The following NRG1 variants were observed in gnomAD, a reference collection of about 807,000 sequenced individuals.
NRG1 encodes neuregulin 1.
In NRG1, 18 loss-of-function variants were observed where a neutral mutation model predicts 63.8. The observed-to-expected ratio is 0.28, with a 90% CI of 0.19 to 0.42. The LOEUF (loss-of-function observed/expected upper bound fraction) is 0.42. Among genes scored for constraint, NRG1 ranks in the 10% least tolerant of loss-of-function variants. The pLI is 1.00. For synonymous variants in NRG1, 302 were observed against 301.3 expected (o/e 1.00, Z -0.02); for missense variants, 762 against 814.7 (o/e 0.94, Z 0.79).
intron 1 of NRG1, among the ~76,000 whole-genome samples, chr8:31,761,244 T>C (rs1157544134): frequency 1.3e-5 from 2 of 152,048 alleles, no homozygotes; most frequent in African/African-American, 2.4e-5. Flanking sequence ...TAGATGGGAA[T>C]TGAACAATGA....
At chr8:32,035,938 G>A (rs1186447853) in intron 1 of NRG1, among the ~76,000 whole-genome samples, 1 of 152,020 alleles carries the variant, frequency 6.6e-6, no homozygotes, top group African/African-American at 2.4e-5. Flanking sequence ...ACATTTAAGG[G>A]TAATATTGTT....
chr8:32,163,761 C>A (rs992631824), intron 1 of NRG1, among the ~76,000 whole-genome samples: 1 of 152,194 alleles, frequency 6.6e-6, no homozygotes, highest in African/African-American at 2.4e-5. Context: ...AACACTGGTA[C>A]GTTAGGAATA....
intron 1 of NRG1, chr8:32,220,806 A>T (rs1365184645): frequency 6.6e-6 from 1 of 152,182 alleles, no homozygotes; most frequent in Non-Finnish European, 1.5e-5. Flanking sequence ...CTTGCCGGTG[A>T]TGTCACTGCT....
chr8:31,852,197 A>G (rs1351984530), intron 1 of NRG1, among the ~76,000 whole-genome samples: 4 of 152,288 alleles, frequency 2.6e-5, no homozygotes, highest in South Asian at 4.1e-4. Flanking sequence ...AACTTCCACA[A>G]TGGTTGAACT....
intron 1 of NRG1, among the ~76,000 whole-genome samples, chr8:31,658,694 C>T (rs181589336): frequency 6.6e-5 from 10 of 152,294 alleles, no homozygotes; most frequent in African/African-American, 2.2e-4. Context: ...AATTCCTAAC[C>T]TCAAGTAATC....
chr8:32,390,532 G>C (rs1811597414), intron 1 of NRG1, among the ~76,000 whole-genome samples: 1 of 150,230 alleles, frequency 6.7e-6, no homozygotes, highest in African/African-American at 2.5e-5. Flanking sequence ...GAGCCTGGGA[G>C]GTCAAGACTT....
At chr8:32,371,579 G>T (rs1808864687) in intron 1 of NRG1, among the ~76,000 whole-genome samples, 1 of 151,940 alleles carries the variant, frequency 6.6e-6, no homozygotes. Context: ...AGGTGGTCAA[G>T]TGACTAAGTT....
At chr8:32,497,429 A>G (rs1827335182) in intron 1 of NRG1, among the ~76,000 whole-genome samples, 1 of 145,314 alleles carries the variant, frequency 6.9e-6, no homozygotes, top group South Asian at 2.3e-4. Context: ...CCTGGGCGAC[A>G]GAGAGAGATT....
chr8:32,470,509 A>G (rs1462495420), intron 1 of NRG1, among the ~76,000 whole-genome samples: 1 of 152,006 alleles, frequency 6.6e-6, no homozygotes, highest in African/African-American at 2.4e-5. Flanking sequence ...CGACCATGAA[A>G]AGGACTCTTT....
At chr8:32,656,927 G>C (rs75320481) in intron 5 of NRG1, among the ~76,000 whole-genome samples, 1 of 151,938 alleles carries the variant, frequency 6.6e-6, no homozygotes, top group Admixed American at 6.6e-5. Flanking sequence ...TCAGTGATAG[G>C]CACTTAGTGT....
intron 1 of NRG1, among the ~76,000 whole-genome samples, chr8:31,730,109 C>T (rs527942987): frequency 1.3e-5 from 2 of 152,146 alleles, no homozygotes; most frequent in Non-Finnish European, 2.9e-5. Flanking sequence ...GCAGTCAGTC[C>T]AAAAACAACA....
chr8:32,149,042 C>A (rs1837208359), intron 1 of NRG1, among the ~76,000 whole-genome samples: 1 of 152,148 alleles, frequency 6.6e-6, no homozygotes, highest in Non-Finnish European at 1.5e-5. Flanking sequence ...AGCCTGATCA[C>A]AGAGTCTACC....
intron 1 of NRG1, among the ~76,000 whole-genome samples, chr8:31,896,373 A>T (rs957617988): frequency 1.3e-5 from 2 of 152,212 alleles, no homozygotes; most frequent in Non-Finnish European, 2.9e-5. Context: ...CTTTAACATG[A>T]TACATAAGAC....
downstream of NRG1, among the ~76,000 whole-genome samples, chr8:32,772,938 C>T (rs548559558): frequency 3.3e-5 from 5 of 152,270 alleles, no homozygotes; most frequent in East Asian, 7.7e-4. Context: ...ACAAAGATTC[C>T]ATTCTCCCTT....
chr8:32,168,279 A>G (rs1434481326), intron 1 of NRG1, among the ~76,000 whole-genome samples: 1 of 152,222 alleles, frequency 6.6e-6, no homozygotes, highest in African/African-American at 2.4e-5. Context: ...AAAAAAATCA[A>G]TTCAACAAAA....
At chr8:32,567,068 C>T (rs1006148147) in intron 1 of NRG1, among the ~76,000 whole-genome samples, 15 of 152,160 alleles carry the variant, frequency 9.9e-5, no homozygotes, top group Non-Finnish European at 2.1e-4. Flanking sequence ...GTCTTGAACT[C>T]CTGGCCTCAA....
chr8:32,323,085 G>C (rs1354927905), intron 1 of NRG1, among the ~76,000 whole-genome samples: 1 of 151,682 alleles, frequency 6.6e-6, no homozygotes, highest in Non-Finnish European at 1.5e-5. Flanking sequence ...AAATATGCTC[G>C]GTTTTACACA....
intron 1 of NRG1, among the ~76,000 whole-genome samples, chr8:32,403,725 A>G (rs1383195405): frequency 6.6e-6 from 1 of 152,226 alleles, no homozygotes; most frequent in African/African-American, 2.4e-5. Context: ...TATTTTAATC[A>G]GATCGACATC....
At chr8:32,309,342 C>T (rs945916449) in intron 1 of NRG1, among the ~76,000 whole-genome samples, 4 of 152,128 alleles carry the variant, frequency 2.6e-5, no homozygotes, top group Non-Finnish European at 4.4e-5. Flanking sequence ...CTCCTAGTGA[C>T]TCCCCTAGAA....
Sources: gnomAD v4.1 joint callset for allele counts (sites outside exome capture counted in the v4.1 genomes callset) on GRCh38, gnomAD v4.1.1 for gene constraint, MANE v1.5 for transcripts, NCBI Gene and HGNC (gene_info 2026-07-23, HGNC 2026-07-21) for gene names.